STAT3: variants seen among roughly 807,000 people sequenced by gnomAD.
STAT3 encodes the protein DNA-binding protein APRF.
A neutral mutation model predicts 114.3 loss-of-function variants in STAT3; 7 were observed. That is an observed-to-expected ratio of 0.06 (90% CI 0.03 to 0.11). The LOEUF (loss-of-function observed/expected upper bound fraction) is 0.11, where lower values mean the gene tolerates loss of function less well. Among genes scored for constraint, STAT3 ranks in the 10% least tolerant of loss-of-function variants. STAT3 has a pLI of 1.00. For missense variants in STAT3, 364 were observed against 960.9 expected, an observed-to-expected ratio of 0.38 and a Z score of 8.21; for synonymous variants, 331 against 354.5, an observed-to-expected ratio of 0.93 and a Z score of 0.74.
At chr17:42,355,888 G>A (rs1442844756) in intron 1 of STAT3, among the ~76,000 whole-genome samples, 1 of 152,206 alleles carries the variant, frequency 6.6e-6, no homozygotes, top group Non-Finnish European at 1.5e-5. Flanking sequence ...TTTACAACGA[G>A]GGTGAGGGAA....
intron 14 of STAT3, among the ~76,000 whole-genome samples, chr17:42,326,995 C>A (rs1230295364): frequency 6.6e-6 from 1 of 152,196 alleles, no homozygotes; most frequent in Non-Finnish European, 1.5e-5. Context: ...TCGGCACTTA[C>A]TCTCTTCAAC....
intron 8 of STAT3, among the ~76,000 whole-genome samples, chr17:42,334,508 A>G (rs1190728823): frequency 7.0e-6 from 1 of 143,354 alleles, no homozygotes; most frequent in African/African-American, 2.6e-5. Flanking sequence ...GCAGTGGCAC[A>G]GTCTCAGCTC....
chr17:42,385,673 C>T (rs1367337980), intron 1 of STAT3, among the ~76,000 whole-genome samples: 5 of 152,148 alleles, frequency 3.3e-5, no homozygotes, highest in African/African-American at 9.7e-5. Flanking sequence ...GTTAAAGCAA[C>T]TTTCTAGAGA....
At position 42,385,632 on chromosome 17, in the gene STAT3, T is replaced by G. The variant is rs578242204; in HGVS notation, c.-24+2647A>C. 2.6e-5 allele frequency among the ~76,000 whole-genome samples: 4 copies of G among 152,196 alleles called. No homozygotes were observed. In the East Asian group the frequency reaches 7.7e-4, roughly 29 times the overall value. ...CACCACCTCTACCCCACCTCATATCTGAATGTCAAGAGACACGTAGAGGCA... is the reference window on the plus strand; with the variant it reads ...CACCACCTCTACCCCACCTCATATCGGAATGTCAAGAGACACGTAGAGGCA... On this transcript the variant is annotated intron_variant, in intron 1 of 23. Transcript: ENST00000264657.
At position 42,382,074 on chromosome 17, in the gene STAT3, C is replaced by T. The variant is rs1007743573; in HGVS notation, c.-24+6205G>A. On this transcript the variant is annotated intron_variant, in intron 1 of 23. Transcript: ENST00000264657. Reference sequence around the variant, plus strand: ...ACAAGGCTGTTTTAAGCCTCTGCACCCTCATGTTCCTTCAGCCTTGAATGC... The same window carrying T: ...ACAAGGCTGTTTTAAGCCTCTGCACTCTCATGTTCCTTCAGCCTTGAATGC... Among the ~76,000 whole-genome samples, 4 of 152,076 alleles carry T rather than the reference C, an allele frequency of 2.6e-5. No homozygotes were observed. In the East Asian group the frequency reaches 7.7e-4, roughly 29 times the overall value.
At chr17:42,350,255 A>G (rs1339058022) in intron 1 of STAT3, among the ~76,000 whole-genome samples, 3 of 152,194 alleles carry the variant, frequency 2.0e-5, no homozygotes, top group Non-Finnish European at 4.4e-5. Context: ...TGGCTTTTTC[A>G]TAAAAATGAC....
intron 1 of STAT3, among the ~76,000 whole-genome samples, chr17:42,381,866 A>C (rs1337273304): frequency 6.6e-6 from 1 of 152,176 alleles, no homozygotes; most frequent in Non-Finnish European, 1.5e-5. Context: ...TTATATTCCT[A>C]CAAGTCTTTT....
intron 4 of STAT3, 143 bp from the exon 5 acceptor site, chr17:42,339,552 C>T: frequency 5.1e-6 from 4 of 790,480 alleles, no homozygotes; most frequent in East Asian, 2.7e-5. Flanking sequence ...GAAACAGAGG[C>T]AGTGGTGCTG....
At position 42,319,234 on chromosome 17, in the gene STAT3, TCAAAA is replaced by T. The variant is rs199732170; in HGVS notation, c.2102-2015_2102-2011del. ...GCCTGGGTGACAGAGTGACAGACTG[TCAAAA>T]CAAAACAAAAACAAAAACAAGGCTG... is the stretch of plus-strand genomic sequence containing the variant. On this transcript the variant is annotated intron_variant, in intron 21 of 23. Transcript: ENST00000264657. Among the ~76,000 whole-genome samples, 52 of 137,294 alleles carry T rather than the reference TCAAAA, an allele frequency of 3.8e-4. No individual in the cohort carries two copies. The East Asian group carries it at 7.3e-3, about 19-fold the overall frequency. The allele number at this position is 137,294 out of a possible 152,430, so 90.1% of individuals were successfully genotyped here.
intron 1 of STAT3, among the ~76,000 whole-genome samples, chr17:42,371,696 T>C (rs954732276): frequency 2.9e-5 from 3 of 104,374 alleles, no homozygotes; most frequent in African/African-American, 1.1e-4. Context: ...AAAAAAAAAA[T>C]TGAGGCCAGG....
intron 1 of STAT3, among the ~76,000 whole-genome samples, chr17:42,383,921 G>A (rs1422812254): frequency 1.3e-5 from 2 of 152,078 alleles, no homozygotes; most frequent in Non-Finnish European, 2.9e-5. Context: ...TTCACCCAAA[G>A]TACCAAATCA....
At chr17:42,351,657 C>G (rs572219059) in intron 1 of STAT3, among the ~76,000 whole-genome samples, 1 of 152,240 alleles carries the variant, frequency 6.6e-6, no homozygotes, top group African/African-American at 2.4e-5. Flanking sequence ...GGCTTAAATT[C>G]CACTGGTGAA....
chr17:42,337,302 A>C lies in STAT3; in HGVS notation c.797+133T>G. 1.5e-6 allele frequency: 2 copies of C among 1,358,798 alleles called. No homozygotes were observed. The highest frequency in any genetic ancestry group is 2.0e-6 in the Non-Finnish European group (2 of 1,013,606). 84.2% of individuals were successfully genotyped at this position (1,358,798 alleles called of 1,614,324 possible). ...TGGCCGAAATAAAGTAAAAACTTTA[A>C]TTCTTGGGCTAAATTTGAATATGGA... On this transcript the variant is annotated intron_variant, in intron 8 of 23. Coordinates refer to ENST00000264657, the MANE Select transcript of STAT3 (RefSeq NM_139276.3). This position sits in a 1 kb window ranked among gnomAD's most constrained non-coding sequence, Gnocchi z 4.0.
intron 10 of STAT3, among the ~76,000 whole-genome samples, chr17:42,332,098 T>G (rs1048382699): frequency 1.3e-5 from 2 of 151,786 alleles, no homozygotes; most frequent in Non-Finnish European, 2.9e-5. Flanking sequence ...CAGCTAATTT[T>G]GTATTTTTAG....
intron 11 of STAT3, among the ~76,000 whole-genome samples, chr17:42,330,721 G>A (rs1178311406): frequency 3.3e-5 from 5 of 152,024 alleles, no homozygotes; most frequent in Admixed American, 2.0e-4. Flanking sequence ...GAGCCACCGC[G>A]CCCGGCCCAC....
Position 42,322,985 on chromosome 17 carries a change from G to A in STAT3, c.1888+19C>T. ...CTCAGCAGCCACCAGCAGGTGGGGTGGGTGGGAGCCTCCCTTACCGCTGAT... is the reference window on the plus strand; with the variant it reads ...CTCAGCAGCCACCAGCAGGTGGGGTAGGTGGGAGCCTCCCTTACCGCTGAT... On this transcript the variant is annotated intron_variant, in intron 20 of 23. Coordinates refer to ENST00000264657, the MANE Select transcript of STAT3 (RefSeq NM_139276.3). 4 of 1,613,024 alleles carry A rather than the reference G, an allele frequency of 2.5e-6. No homozygotes were observed. The highest frequency in any genetic ancestry group is 2.5e-6 in the Non-Finnish European group (3 of 1,180,024).
intron 1 of STAT3, among the ~76,000 whole-genome samples, chr17:42,371,497 C>A (rs2084131537): frequency 6.7e-6 from 1 of 149,796 alleles, no homozygotes; most frequent in South Asian, 2.1e-4. Context: ...CATGGAGAAA[C>A]CTCGTCTCTA....
chr17:42,355,578 A>C (rs932789756), intron 1 of STAT3, among the ~76,000 whole-genome samples: 1 of 152,214 alleles, frequency 6.6e-6, no homozygotes, highest in Non-Finnish European at 1.5e-5. Flanking sequence ...AAAATGAAAC[A>C]GCAAGTCATC....
intron 11 of STAT3, among the ~76,000 whole-genome samples, chr17:42,330,172 A>C (rs2081940742): frequency 6.7e-6 from 1 of 150,014 alleles, no homozygotes; most frequent in African/African-American, 2.5e-5. Context: ...GCTGGAGTGC[A>C]ATGGTGTGAT....
Sources: allele counts gnomAD v4.1 joint callset (sites outside exome capture counted in the v4.1 genomes callset), GRCh38; gene constraint gnomAD v4.1.1; non-coding constraint Gnocchi (gnomAD v3.1); transcripts MANE v1.5; gene names NCBI Gene and HGNC (gene_info 2026-07-23, HGNC 2026-07-21).